Variants in PIK3CD observed in about 807,000 individuals in gnomAD.
PIK3CD encodes phosphatidylinositol 4,5-bisphosphate 3-kinase catalytic subunit delta isoform.
In PIK3CD, 20 loss-of-function variants were observed where a neutral mutation model predicts 122.9. That is an observed-to-expected ratio of 0.16 (90% confidence interval 0.11 to 0.24). PIK3CD has a LOEUF of 0.24. Ranked by LOEUF, PIK3CD falls within the 10% of genes least tolerant of loss-of-function variation. PIK3CD has a pLI of 1.00. For synonymous variants in PIK3CD, 596 were observed against 593.4 expected, an observed-to-expected ratio of 1.00 and a Z score of -0.06; for missense variants, 787 against 1,406.3, an observed-to-expected ratio of 0.56 and a Z score of 7.04.
At chr1:9,666,547 C>A (rs1645166386) in intron 1 of PIK3CD, among the ~76,000 whole-genome samples, 1 of 151,420 alleles carries the variant, frequency 6.6e-6, no homozygotes, top group African/African-American at 2.4e-5. Flanking sequence ...CAAAGATTTT[C>A]TGATTGGCAA....
the PIK3CD span, among the ~76,000 whole-genome samples, chr1:9,633,747 C>G: frequency 6.6e-6 from 1 of 152,186 alleles, no homozygotes; most frequent in Non-Finnish European, 1.5e-5. Context: ...AGGAAATCAT[C>G]GTCTGGCTTG....
intron 23 of PIK3CD, 148 bp downstream of exon 23, chr1:9,725,084 G>A (rs1048903326): frequency 9.4e-7 from 1 of 1,063,604 alleles, no homozygotes; most frequent in Non-Finnish European, 1.4e-6. Context: ...CAGCAGTGGA[G>A]CTGGTGGGCG....
chr1:9,728,510 A>G lies in PIK3CD; in HGVS notation c.*1464A>G, dbSNP rs1323762333. The G allele has an allele frequency of 6.6e-6, 1 of 152,290 alleles. No homozygotes were observed. The highest frequency in any genetic ancestry group is 1.5e-5 in the Non-Finnish European group (1 of 68,064). 9.4% of individuals were successfully genotyped at this position (152,290 alleles called of 1,614,324 possible). ...TCTTCCAAAACTCAACAGAGCCAGAAGTAGCCGCCCGCTCAGCGGCTCAGG... is the reference window on the plus strand; with the variant it reads ...TCTTCCAAAACTCAACAGAGCCAGAGGTAGCCGCCCGCTCAGCGGCTCAGG... On this transcript the variant is annotated 3_prime_UTR_variant, in exon 24 of 24. Coordinates refer to ENST00000377346, the MANE Select transcript of PIK3CD (RefSeq NM_005026.5).
At chr1:9,673,313 G>C (rs1346667745) in intron 1 of PIK3CD, among the ~76,000 whole-genome samples, 1 of 152,058 alleles carries the variant, frequency 6.6e-6, no homozygotes, top group Non-Finnish European at 1.5e-5. Flanking sequence ...CGGCTGGCGT[G>C]TAATGGTGCG....
At position 9,718,056 on chromosome 1, in the gene PIK3CD, C is replaced by T. The variant is rs1471873706; in HGVS notation, c.1020+430C>T. 2.1e-6 allele frequency: 1 copy of T among 476,328 alleles called. No individual in the cohort carries two copies. Among genetic ancestry groups the T allele is most frequent in the African/African-American group, 2.0e-5 (1 of 50,978 alleles). 29.5% of individuals were successfully genotyped at this position (476,328 alleles called of 1,614,324 possible). A position where few individuals can be genotyped will look rare whatever the true frequency, so the allele number is the denominator to read the frequency against. On this transcript the variant is annotated intron_variant, in intron 8 of 23. Coordinates refer to ENST00000377346, the MANE Select transcript of PIK3CD (RefSeq NM_005026.5). The surrounding 1 kb of genome is among the most constrained non-coding windows in gnomAD (Gnocchi z 7.2). The stretch of plus-strand genomic sequence containing the variant: ...CCTCAACCTCTAGGGGCTGAGCCCA[C>T]CTCCCTGTTGTCTCTTAACACTTTC...
Position 9,652,367 on chromosome 1 carries a change from A to G in PIK3CD, c.-138+565A>G, listed in dbSNP as rs1272273144. Among the ~76,000 whole-genome samples, 2 of 152,044 alleles carry G rather than the reference A, an allele frequency of 1.3e-5. No homozygotes were observed. The highest frequency in any genetic ancestry group is 6.5e-5 in the Admixed American group (1 of 15,270). ...CTGTGCGCCCTTCCCAGCCTGGGCA[A>G]GTGGGGAGCGGGGCTGCAGAGGGGC... On this transcript the variant is annotated intron_variant, in intron 1 of 23. Transcript: ENST00000377346. The surrounding 1 kb of genome is among the most constrained non-coding windows in gnomAD (Gnocchi z 6.2).
At chr1:9,648,824 G>A (rs533530473), upstream of PIK3CD, among the ~76,000 whole-genome samples, 3 of 152,344 alleles carry the variant, frequency 2.0e-5, no homozygotes, top group South Asian at 2.1e-4. Flanking sequence ...GGACCAGGCC[G>A]GGCGCAGTGG....
the PIK3CD span, among the ~76,000 whole-genome samples, chr1:9,642,184 C>T: frequency 6.6e-6 from 1 of 151,926 alleles, no homozygotes; most frequent in Non-Finnish European, 1.5e-5. Context: ...GCGATCTTGG[C>T]TCACTGCAAC....
Position 9,727,814 on chromosome 1 carries a change from T to C in PIK3CD, c.*768T>C. 5.3e-6 allele frequency: 1 copy of C among 187,200 alleles called. No individual in the cohort carries two copies. The highest frequency in any genetic ancestry group is 1.1e-5 in the Non-Finnish European group (1 of 88,722). 11.6% of individuals were successfully genotyped at this position (187,200 alleles called of 1,614,324 possible). A position where few individuals can be genotyped will look rare whatever the true frequency, so the allele number is the denominator to read the frequency against. ...CTGCCATTATCTCAAAAATCTTTTT[T>C]TTTTTTTTGAGATGGGGTCTTCCTC... On this transcript the variant is annotated 3_prime_UTR_variant, in exon 24 of 24. Transcript: ENST00000377346.
In PIK3CD at chr1:9,715,299, G is replaced by T. The variant is rs550257814; in HGVS notation, c.142-242G>T. On this transcript the variant is annotated intron_variant, in intron 3 of 23. Coordinates refer to ENST00000377346, the MANE Select transcript of PIK3CD (RefSeq NM_005026.5). The surrounding 1 kb of genome is among the most constrained non-coding windows in gnomAD (Gnocchi z 4.1). ...ACTCTGGGAGGGGAGCCTGTAGGAC[G>T]TGGTGCCAGCCCCAGATCCCAGCAC... Among the ~76,000 whole-genome samples the T allele has an allele frequency of 6.6e-6, 1 of 152,208 alleles. No individual in the cohort carries two copies. Among genetic ancestry groups the T allele is most frequent in the Non-Finnish European group, 1.5e-5 (1 of 68,016 alleles).
In PIK3CD at chr1:9,716,520, G is replaced by A; in HGVS notation, c.681G>A (p.Val227=). The A allele has an allele frequency of 6.2e-7, 1 of 1,609,920 alleles. No individual in the cohort carries two copies. Among genetic ancestry groups the A allele is most frequent in the Non-Finnish European group, 8.5e-7 (1 of 1,179,542 alleles). Reference sequence around the variant, plus strand: ...GTGCCCTGCGGAAGAAGGCCACAGTGTTCCGGCAGCCGCTGGTGGAGCAGC... The same window carrying A: ...GTGCCCTGCGGAAGAAGGCCACAGTATTCCGGCAGCCGCTGGTGGAGCAGC... ...MACALRKKAT[V]FRQPLVEQPE... The change falls in exon 6 of 24, where the codon GTG becomes GTA. Residue 227 remains valine, a synonymous_variant. Transcript: ENST00000377346.
chr1:9,677,888 T>C (rs1290998566), intron 1 of PIK3CD, among the ~76,000 whole-genome samples: 3 of 151,556 alleles, frequency 2.0e-5, no homozygotes, highest in African/African-American at 7.3e-5. Context: ...TGGTGGCTCA[T>C]GCCTGTAATC....
upstream of PIK3CD, among the ~76,000 whole-genome samples, chr1:9,650,580 CA>C (rs1456506784): frequency 6.6e-6 from 1 of 151,442 alleles, no homozygotes; most frequent in South Asian, 2.1e-4. Flanking sequence ...GCCGAGATGG[CA>C]CCACTGCATT....
At chr1:9,692,379 G>A (rs1411791723) in intron 2 of PIK3CD, among the ~76,000 whole-genome samples, 1 of 152,182 alleles carries the variant, frequency 6.6e-6, no homozygotes. Context: ...ATTTTCTCTA[G>A]ATCTTCATTG....
chr1:9,640,494 C>G, the PIK3CD span, among the ~76,000 whole-genome samples: 1 of 111,962 alleles, frequency 8.9e-6, no homozygotes, highest in African/African-American at 7.1e-5. Flanking sequence ...GCAGGAGAAT[C>G]GCTTGACCAG....
chr1:9,690,791 T>G (rs1646170475), intron 1 of PIK3CD, among the ~76,000 whole-genome samples: 1 of 152,160 alleles, frequency 6.6e-6, no homozygotes, highest in South Asian at 2.1e-4. Flanking sequence ...GAAGCCCACC[T>G]AGTGGGCTCT....
At chr1:9,690,523 G>T (rs886999763) in intron 1 of PIK3CD, among the ~76,000 whole-genome samples, 2 of 152,160 alleles carry the variant, frequency 1.3e-5, no homozygotes, top group African/African-American at 4.8e-5. Flanking sequence ...CTGACCTCCT[G>T]TTTCTCTGGT....
the PIK3CD span, among the ~76,000 whole-genome samples, chr1:9,630,762 G>A: frequency 6.6e-6 from 1 of 151,270 alleles, no homozygotes; most frequent in Non-Finnish European, 1.5e-5. Flanking sequence ...AGAAGGAAGT[G>A]TGGGGAAGGG....
At chr1:9,691,814 G>C in intron 2 of PIK3CD, 1 of 349,104 alleles carries the variant, frequency 2.9e-6, no homozygotes, top group Non-Finnish European at 5.1e-6. Context: ...GGGAAAAGAA[G>C]GAATGGCTTT....
Sources: gnomAD v4.1 joint callset for allele counts (sites outside exome capture counted in the v4.1 genomes callset) on GRCh38, gnomAD v4.1.1 for gene constraint, Gnocchi (gnomAD v3.1) non-coding constraint, MANE v1.5 for transcripts, NCBI Gene and HGNC (gene_info 2026-07-23, HGNC 2026-07-21) for gene names.